The following SGSM2 variants were observed in gnomAD, a reference collection of about 807,000 sequenced individuals.
SGSM2 encodes RUN and TBC1 domain containing 1.
In SGSM2, 89 loss-of-function variants were observed where a neutral mutation model predicts 126.6. The ratio of observed to expected loss-of-function variants is 0.70; its 90% CI spans 0.59 to 0.84. The LOEUF (loss-of-function observed/expected upper bound fraction) is 0.84, where lower values mean the gene tolerates loss of function less well. SGSM2 is among the 40% of genes least tolerant of loss of function. The pLI is 0.00. For synonymous variants in SGSM2, 614 were observed against 574.3 expected (o/e 1.07, Z -0.99); for missense variants, 1,404 against 1,416.6 (o/e 0.99, Z 0.14).
At position 2,377,065 on chromosome 17, in the gene SGSM2, C is replaced by T; in HGVS notation, c.2799C>T (p.Ile933=). ...ACTTTGCCAACATGCGCTCCCTCAT[C>T]CAGGTGAGGCCGGTTGCCACCCATG... The part of the protein sequence containing the change: ...DTHFANMRSL[I]QILDSELFEL... Residue 933 remains isoleucine (I), a synonymous_variant, in exon 21 of 24, where the codon ATC becomes ATT. Coordinates refer to ENST00000268989, the MANE Select transcript of SGSM2 (RefSeq NM_014853.3). 1 of 1,607,890 alleles carries T rather than the reference C, an allele frequency of 6.2e-7. No homozygotes were observed. Among genetic ancestry groups the T allele is most frequent in the Non-Finnish European group, 8.5e-7 (1 of 1,175,894 alleles).
In SGSM2 at chr17:2,372,644, TG is replaced by T; in HGVS notation, c.1788+160del. On this transcript the variant is annotated intron_variant, in intron 15 of 23. Coordinates refer to ENST00000268989, the MANE Select transcript of SGSM2 (RefSeq NM_014853.3). The surrounding 1 kb of genome is among the most constrained non-coding windows in gnomAD (Gnocchi z 6.0). ...CGGCAGAATCTCTTGCAGCTGGGCC[TG>T]GGGCTGACACGGGAAGGGGGCTGGA... 1 of 1,100,280 alleles carries T rather than the reference TG, an allele frequency of 9.1e-7. No homozygotes were observed. Among genetic ancestry groups the T allele is most frequent in the Non-Finnish European group, 1.3e-6 (1 of 763,820 alleles). The allele number at this position is 1,100,280 out of a possible 1,614,324, so 68.2% of individuals were successfully genotyped here. A position where few individuals can be genotyped will look rare whatever the true frequency, so the allele number is the denominator to read the frequency against.
At position 2,371,870 on chromosome 17, in the gene SGSM2, C is replaced by T. The variant is rs146565197; in HGVS notation, c.1578-320C>T. On this transcript the variant is annotated intron_variant, in intron 13 of 23. Transcript: ENST00000268989. ...TGGGAGGTGTTCTCTTTTACCTTTA[C>T]TTCGTCTTCCGTTTATTAATCCTGA... 5.5e-3 allele frequency: 2,390 copies of T among 433,230 alleles called. 19 individuals carry two copies. The highest frequency in any genetic ancestry group is 7.6e-3 in the Non-Finnish European group (1,812 of 238,924). The allele number at this position is 433,230 out of a possible 1,614,324, so 26.8% of individuals were successfully genotyped here. A position where few individuals can be genotyped will look rare whatever the true frequency, so the allele number is the denominator to read the frequency against.
chr17:2,372,936 C>T lies in SGSM2; in HGVS notation c.1789-17C>T, dbSNP rs572930840. ...GACTGTGGAGGCTGCACAGTCTTGA[C>T]TCCCCGGGTCCCTCAGAACTACAAA... is the stretch of plus-strand genomic sequence containing the variant. On this transcript the variant is annotated splice_polypyrimidine_tract_variant and intron_variant, in intron 15 of 23. Coordinates refer to ENST00000268989, the MANE Select transcript of SGSM2 (RefSeq NM_014853.3). The surrounding 1 kb of genome is among the most constrained non-coding windows in gnomAD (Gnocchi z 6.0). 3 of 1,554,844 alleles carry T rather than the reference C, an allele frequency of 1.9e-6. No homozygotes were observed. The highest frequency in any genetic ancestry group is 1.4e-5 in the African/African-American group (1 of 73,310).
chr17:2,364,224 A>C, intron 8 of SGSM2, 41 bp downstream of exon 8: 1 of 1,611,800 alleles, frequency 6.2e-7, no homozygotes, highest in Non-Finnish European at 8.5e-7. Context: ...CAGGGCAGGG[A>C]GTGGGTTTGA....
At chr17:2,378,753 C>A (rs1263356031) in intron 22 of SGSM2, among the ~76,000 whole-genome samples, 2 of 152,146 alleles carry the variant, frequency 1.3e-5, no homozygotes. Flanking sequence ...GCAGAAATTA[C>A]CCAAGAAAAG....
chr17:2,338,774 A>G (rs1047642792), intron 1 of SGSM2, among the ~76,000 whole-genome samples: 1 of 133,890 alleles, frequency 7.5e-6, no homozygotes, highest in Non-Finnish European at 1.6e-5. Flanking sequence ...CCGTCTCCCT[A>G]ATATATATAT....
chr17:2,364,738 C>A, intron 9 of SGSM2, 75 bp downstream of exon 9: 1 of 1,568,788 alleles, frequency 6.4e-7, no homozygotes, highest in Non-Finnish European at 8.8e-7. Context: ...GTGCGTGGGG[C>A]CTGTAAGACT....
rs924239637 is a variant in SGSM2 at position 2,350,251 on chromosome 17, C to T, written c.133+6631C>T. 9.2e-5 allele frequency among the ~76,000 whole-genome samples: 14 copies of T among 151,724 alleles called. No individual in the cohort carries two copies. In the South Asian group the frequency reaches 1.9e-3, roughly 20 times the overall value. On this transcript the variant is annotated intron_variant, in intron 2 of 23. Transcript: ENST00000268989. ...ATGTTTATATTCACATGGGAAGTAT[C>T]TAATAGGGAAAAATTGCAGGCATAA...
chr17:2,365,235 A>G lies in SGSM2; in HGVS notation c.1182A>G (p.Leu394=), dbSNP rs2065508023. 6.2e-7 allele frequency: 1 copy of G among 1,612,488 alleles called. No homozygotes were observed. The highest frequency in any genetic ancestry group is 8.5e-7 in the Non-Finnish European group (1 of 1,179,184). ...QQGKGKVFPK[L]RKRSSIRSVD... ...CACAGGGGAAAGTGTTCCCCAAGCT[A>G]CGGAAACGAAGCAGCATTCGCTCCG... Residue 394 remains leucine, a synonymous_variant, in exon 11 of 24, where the codon CTA becomes CTG. Transcript: ENST00000268989.
intron 2 of SGSM2, among the ~76,000 whole-genome samples, chr17:2,357,234 T>G (rs535144101): frequency 6.6e-6 from 1 of 152,166 alleles, no homozygotes; most frequent in South Asian, 2.1e-4. Context: ...TTAAATGCAG[T>G]TATGCTCCTG....
intron 2 of SGSM2, among the ~76,000 whole-genome samples, chr17:2,358,657 A>G (rs1346099585): frequency 6.6e-6 from 1 of 152,052 alleles, no homozygotes; most frequent in Non-Finnish European, 1.5e-5. Context: ...GACTGCAGTG[A>G]GCTGTGGTTG....
intron 1 of SGSM2, among the ~76,000 whole-genome samples, chr17:2,342,774 C>T (rs993213717): frequency 9.2e-5 from 14 of 152,142 alleles, no homozygotes; most frequent in African/African-American, 3.4e-4. Flanking sequence ...GTCAGGCGTT[C>T]AAGACCAGCC....
chr17:2,373,480 C>A lies in SGSM2; in HGVS notation c.2067C>A (p.Arg689=), dbSNP rs751364266. Residue 689 remains arginine, a synonymous_variant, in exon 17 of 24, where the codon CGC becomes CGA. Transcript: ENST00000268989. ...GCAGCATCGACAGCCACGTGCAGCGCCTCATCCACCGAGACTCCACCATCA... is the reference window on the plus strand; with the variant it reads ...GCAGCATCGACAGCCACGTGCAGCGACTCATCCACCGAGACTCCACCATCA... ...SGSSIDSHVQ[R]LIHRDSTISN... is the part of the protein sequence containing the mutation. The A allele has an allele frequency of 1.3e-6, 2 of 1,599,308 alleles. No individual in the cohort carries two copies. Among genetic ancestry groups the A allele is most frequent in the Non-Finnish European group, 1.7e-6 (2 of 1,176,946 alleles).
At chr17:2,345,512 C>A (rs924441388) in intron 2 of SGSM2, among the ~76,000 whole-genome samples, 4 of 148,788 alleles carry the variant, frequency 2.7e-5, no homozygotes, top group African/African-American at 9.9e-5. Context: ...AGGAGAATGG[C>A]GTGAACCCGG....
chr17:2,358,044 A>G (rs943197458), intron 2 of SGSM2, among the ~76,000 whole-genome samples: 1 of 152,218 alleles, frequency 6.6e-6, no homozygotes, highest in Non-Finnish European at 1.5e-5. Flanking sequence ...GTCAGCAGGC[A>G]GGTAGGTTCA....
chr17:2,376,362 CT>C, intron 19 of SGSM2, 101 bp downstream of exon 19: 1 of 1,484,604 alleles, frequency 6.7e-7, no homozygotes, highest in East Asian at 2.3e-5. Context: ...TCTCCTGCTC[CT>C]GAATCACACT....
At chr17:2,358,684 A>G (rs2065177865) in intron 2 of SGSM2, among the ~76,000 whole-genome samples, 1 of 151,432 alleles carries the variant, frequency 6.6e-6, no homozygotes. Flanking sequence ...TGCACGCCAG[A>G]CCAGGCAATA....
chr17:2,372,474 CAGA>C lies in SGSM2; in HGVS notation c.1777_1779del (p.Lys593del). On this transcript the variant is annotated inframe_deletion, in exon 15 of 24. Transcript: ENST00000268989. The surrounding 1 kb of genome is among the most constrained non-coding windows in gnomAD (Gnocchi z 6.0). ...CACCAAGGACGTGTGGAGCAAGTAT[CAGA>C]AGGACAAAAAGGTGCCAACCCTGGG... The C allele has an allele frequency of 1.2e-6, 2 of 1,600,062 alleles. No homozygotes were observed. Among genetic ancestry groups the C allele is most frequent in the Non-Finnish European group, 1.7e-6 (2 of 1,176,184 alleles).
Position 2,361,729 on chromosome 17 carries a change from G to C in SGSM2, c.226G>C (p.Gly76Arg). Residue 76 changes from glycine to arginine, a missense_variant, in exon 3 of 24, where the codon GGG becomes CGG. By Grantham distance (125) the Gly-to-Arg change is moderately radical. Coordinates refer to ENST00000268989, the MANE Select transcript of SGSM2 (RefSeq NM_014853.3). ...GATGGCAGCCCTGTTCACCAAGGTG[G>C]GGAAGACGTGCCCAGTGGCGGGGGA... ...DKMAALFTKVGKTCPVAGEIC... is the reference protein window; with the variant it reads ...DKMAALFTKVRKTCPVAGEIC... 6.2e-7 allele frequency: 1 copy of C among 1,613,882 alleles called. No individual in the cohort carries two copies. The highest frequency in any genetic ancestry group is 8.5e-7 in the Non-Finnish European group (1 of 1,180,004).
Sources: allele counts gnomAD v4.1 joint callset (sites outside exome capture counted in the v4.1 genomes callset), GRCh38; gene constraint gnomAD v4.1.1; non-coding constraint Gnocchi (gnomAD v3.1); transcripts MANE v1.5; gene names NCBI Gene and HGNC (gene_info 2026-07-23, HGNC 2026-07-21).